The following C6orf62 variants were observed in gnomAD, a reference collection of about 807,000 sequenced individuals.
C6orf62 encodes the protein chromosome 6 open reading frame 62.
Under a neutral mutation model 26.8 loss-of-function variants are expected in C6orf62, and 16 were observed. That is an observed-to-expected ratio of 0.60 (90% confidence interval 0.40 to 0.91). C6orf62 has a LOEUF of 0.91. Ranked by LOEUF, C6orf62 falls within the 40% of genes least tolerant of loss-of-function variation. The pLI, the probability that C6orf62 is intolerant of heterozygous loss-of-function variation, is 0.00. For missense variants in C6orf62, 192 were observed against 271.4 expected (o/e 0.71, Z 2.06); for synonymous variants, 112 against 91.5 (o/e 1.22, Z -1.28).
At position 24,718,904 on chromosome 6, in the gene C6orf62, G is replaced by A; in HGVS notation, c.-236C>T. On this transcript the variant is annotated 5_prime_UTR_variant, in exon 1 of 5. Transcript: ENST00000378119. Reference sequence around the variant, plus strand: ...CAGTCATGTTTGGACAATAACGTTTGGGGTCAGACGGGAAAAAGGGAGGAA... The same window carrying A: ...CAGTCATGTTTGGACAATAACGTTTAGGGTCAGACGGGAAAAAGGGAGGAA... 3 of 1,300,706 alleles carry A rather than the reference G, an allele frequency of 2.3e-6. No individual in the cohort carries two copies. Among genetic ancestry groups the A allele is most frequent in the South Asian group, 3.7e-5 (2 of 53,410 alleles). 80.6% of individuals were successfully genotyped at this position (1,300,706 alleles called of 1,614,324 possible).
chr6:24,720,322 A>G (rs1188994754), upstream of C6orf62: 4 of 1,290,928 alleles, frequency 3.1e-6, no homozygotes, highest in African/African-American at 6.2e-5. Flanking sequence ...TAGCACGGGC[A>G]GGAGCCATGT....
chr6:24,709,874 T>C (rs1419247265), intron 3 of C6orf62: 10 of 977,940 alleles, frequency 1.0e-5, no homozygotes, highest in East Asian at 1.1e-4. Context: ...GTACAAATAA[T>C]TGTTAGTCCA....
intron 3 of C6orf62, chr6:24,709,845 AT>A: frequency 1.0e-6 from 1 of 985,326 alleles, no homozygotes; most frequent in East Asian, 1.1e-4. Flanking sequence ...ACAATATGAT[AT>A]TTAGACAATA....
At chr6:24,720,272 G>C, upstream of C6orf62, 1 of 1,295,136 alleles carries the variant, frequency 7.7e-7, no homozygotes, top group Non-Finnish European at 9.7e-7. Flanking sequence ...CGGAGCGGTG[G>C]CGGCGGCGGA....
upstream of C6orf62, chr6:24,720,154 C>T (rs1779326375): frequency 2.8e-5 from 38 of 1,364,922 alleles, no homozygotes; most frequent in Non-Finnish European, 3.4e-5. Context: ...ATTGAGGCAG[C>T]TAGGGCGGGG....
Position 24,718,858 on chromosome 6 carries a change from C to G in C6orf62, c.-190G>C. ...TTAGCAGACTGTCATATTACAGGGTCAAGAAACAAAAGCTGCTGTCCAGTC... is the reference window on the plus strand; with the variant it reads ...TTAGCAGACTGTCATATTACAGGGTGAAGAAACAAAAGCTGCTGTCCAGTC... On this transcript the variant is annotated 5_prime_UTR_variant, in exon 1 of 5. Transcript: ENST00000378119. 3.5e-6 allele frequency: 5 copies of G among 1,420,992 alleles called. No homozygotes were observed. Among genetic ancestry groups the G allele is most frequent in the Non-Finnish European group, 4.6e-6 (5 of 1,095,662 alleles). 88.0% of individuals were successfully genotyped at this position (1,420,992 alleles called of 1,614,324 possible).
In C6orf62 at chr6:24,711,176, C is replaced by T. The variant is rs11964866; in HGVS notation, c.430-2265G>A. Among the ~76,000 whole-genome samples the T allele has an allele frequency of 8.7e-3, 1,326 of 152,154 alleles. 28 individuals carry two copies. The highest frequency in any genetic ancestry group is 0.03 in the African/African-American group (1,251 of 41,488). On this transcript the variant is annotated intron_variant, in intron 3 of 4. Coordinates refer to ENST00000378119, the MANE Select transcript of C6orf62 (RefSeq NM_030939.5). ...TTGAGTGAGACTGAAAAAGGCCTTC[C>T]TTATAGTTCTTTAGCATTTCAATTC...
At chr6:24,719,861 C>A (rs1467397568), upstream of C6orf62, 28 of 1,547,800 alleles carry the variant, frequency 1.8e-5, no homozygotes, top group Admixed American at 3.9e-5. Flanking sequence ...GCGACTCACT[C>A]GCACCACGGG....
Position 24,714,336 on chromosome 6 carries a change from C to T in C6orf62, c.411G>A (p.Glu137=), listed in dbSNP as rs1207697679. 6 of 1,609,356 alleles carry T rather than the reference C, an allele frequency of 3.7e-6. No individual in the cohort carries two copies. The East Asian group carries it at 1.3e-4, about 36-fold the overall frequency. ...AAAATACCTGAACAGGCCTAAAAGG[C>T]TCATCAGATTCTTTCCACCTAGAAA... The part of the protein sequence containing the change: ...LLFSRWKESD[E]PFRPVQAKFE... The change falls in exon 3 of 5, where the codon GAG becomes GAA. Residue 137 remains glutamate, a synonymous_variant. Coordinates refer to ENST00000378119, the MANE Select transcript of C6orf62 (RefSeq NM_030939.5).
At chr6:24,716,028 T>G in intron 2 of C6orf62, 120 bp downstream of exon 2, 12 of 736,778 alleles carry the variant, frequency 1.6e-5, no homozygotes, top group East Asian at 2.5e-5. Context: ...CAAAGACAAA[T>G]TTACCTGAAG....
chr6:24,718,417 A>G, intron 1 of C6orf62, 123 bp downstream of exon 1: 2 of 980,870 alleles, frequency 2.0e-6, no homozygotes, highest in East Asian at 2.7e-5. Context: ...AAAACAGAGC[A>G]TACAAAGCAG....
chr6:24,709,652 A>G, intron 3 of C6orf62: 1 of 985,442 alleles, frequency 1.0e-6, no homozygotes. Flanking sequence ...GCCTTGGGTC[A>G]TTCTCAAAAA....
chr6:24,713,437 A>AT (rs1491336866), intron 3 of C6orf62, among the ~76,000 whole-genome samples: 3 of 152,216 alleles, frequency 2.0e-5, no homozygotes, highest in Non-Finnish European at 4.4e-5. Flanking sequence ...TGTGAAAAAC[A>AT]TAAGCACCAC....
At chr6:24,715,848 C>CCAA (rs1779215786) in intron 2 of C6orf62, among the ~76,000 whole-genome samples, 1 of 63,850 alleles carries the variant, frequency 1.6e-5, no homozygotes, top group African/African-American at 6.6e-5. Context: ...GACTTTGTCT[C>CCAA]AAAAAAAAAA....
intron 3 of C6orf62, among the ~76,000 whole-genome samples, chr6:24,713,065 C>A (rs10946722): frequency 0.17 from 25,448 of 152,170 alleles, 2,621 homozygotes; most frequent in Non-Finnish European, 0.24. Context: ...AGATGCTCCA[C>A]GACTTGTGAT....
At chr6:24,713,932 A>G (rs1779175010) in intron 3 of C6orf62, among the ~76,000 whole-genome samples, 1 of 152,186 alleles carries the variant, frequency 6.6e-6, no homozygotes, top group Non-Finnish European at 1.5e-5. Flanking sequence ...CTACAAAATG[A>G]TTTCTTCACC....
At chr6:24,710,652 G>T (rs77872818) in intron 3 of C6orf62, 2 of 981,466 alleles carry the variant, frequency 2.0e-6, no homozygotes, top group African/African-American at 3.5e-5. Flanking sequence ...TTTGGATTGC[G>T]CCTTTAAAGA....
chr6:24,720,355 T>G, upstream of C6orf62: 8 of 1,236,250 alleles, frequency 6.5e-6, no homozygotes, highest in Non-Finnish European at 8.1e-6. Flanking sequence ...ACCAGCCAAC[T>G]GAGCCCCTCC....
chr6:24,710,765 A>G (rs1168825605), intron 3 of C6orf62, among the ~76,000 whole-genome samples: 4 of 152,126 alleles, frequency 2.6e-5, no homozygotes, highest in Non-Finnish European at 5.9e-5. Context: ...TTGGGAGTCC[A>G]AAGCGGGAGG....
Sources: allele counts gnomAD v4.1 joint callset (sites outside exome capture counted in the v4.1 genomes callset), GRCh38; gene constraint gnomAD v4.1.1; transcripts MANE v1.5; gene names NCBI Gene and HGNC (gene_info 2026-07-23, HGNC 2026-07-21).